Variants in SORCS1 observed in about 807,000 individuals in gnomAD.
SORCS1 encodes the protein sortilin related VPS10 domain containing receptor 1, also known as VPS10 domain-containing receptor SorCS1.
In SORCS1, 60 loss-of-function variants were observed where a neutral mutation model predicts 146.1. The observed-to-expected ratio is 0.41, with a 90% CI of 0.33 to 0.51. The LOEUF is 0.51. SORCS1 is among the 20% of genes least tolerant of loss of function. The pLI is 0.21. For missense variants in SORCS1, 1,352 were observed against 1,487.6 expected, an observed-to-expected ratio of 0.91 and a Z score of 1.50; for synonymous variants, 637 against 584.0, an observed-to-expected ratio of 1.09 and a Z score of -1.31.
intron 2 of SORCS1, among the ~76,000 whole-genome samples, chr10:106,903,941 T>C (rs906012718): frequency 6.6e-6 from 1 of 152,216 alleles, no homozygotes; most frequent in Admixed American, 6.5e-5. Context: ...TTCCTTATAA[T>C]GACTTAGAAA....
chr10:106,947,570 G>A (rs1417749271), intron 2 of SORCS1, among the ~76,000 whole-genome samples: 4 of 152,218 alleles, frequency 2.6e-5, no homozygotes, highest in African/African-American at 7.2e-5. Context: ...CAGGCTGGGC[G>A]CGGTGGCTCA....
chr10:106,789,608 C>G (rs1437816097), intron 3 of SORCS1, among the ~76,000 whole-genome samples: 1 of 152,196 alleles, frequency 6.6e-6, no homozygotes. Flanking sequence ...ACCACCTCAG[C>G]CTGGACTTCA....
intron 6 of SORCS1, among the ~76,000 whole-genome samples, chr10:106,721,651 ATTG>A (rs1855788614): frequency 1.3e-5 from 2 of 152,236 alleles, no homozygotes; most frequent in Admixed American, 1.3e-4. Flanking sequence ...TAGACTATTT[ATTG>A]TTGCAAATAT....
chr10:106,955,696 G>A (rs543702107), intron 2 of SORCS1, among the ~76,000 whole-genome samples: 1 of 152,352 alleles, frequency 6.6e-6, no homozygotes, highest in South Asian at 2.1e-4. Context: ...GTAAAGGAAT[G>A]TTGCCCTGGG....
At chr10:106,943,072 A>G (rs1327052621) in intron 2 of SORCS1, among the ~76,000 whole-genome samples, 1 of 152,158 alleles carries the variant, frequency 6.6e-6, no homozygotes, top group Non-Finnish European at 1.5e-5. Context: ...GGGCATCACT[A>G]GGACAGACAG....
intron 22 of SORCS1, among the ~76,000 whole-genome samples, chr10:106,611,190 T>C (rs1846962662): frequency 6.6e-6 from 1 of 152,196 alleles, no homozygotes; most frequent in Admixed American, 6.5e-5. Context: ...ACAACCACCT[T>C]GTTATTCTCT....
intron 2 of SORCS1, among the ~76,000 whole-genome samples, chr10:106,944,968 CT>C (rs1442661738): frequency 7.0e-6 from 1 of 143,096 alleles, no homozygotes; most frequent in Non-Finnish European, 1.5e-5. Context: ...TCACTGCAAC[CT>C]CTGGCTCCCG....
chr10:107,069,412 G>A (rs1294759663), intron 1 of SORCS1, among the ~76,000 whole-genome samples: 4 of 150,282 alleles, frequency 2.7e-5, no homozygotes, highest in Non-Finnish European at 5.9e-5. Context: ...TTTCACTCTT[G>A]TTGCCCAGGC....
the SORCS1 span, among the ~76,000 whole-genome samples, chr10:107,173,431 G>A: frequency 8.0e-3 from 1,223 of 152,162 alleles, 7 homozygotes; most frequent in Non-Finnish European, 0.013. Flanking sequence ...GTGAGGGGAT[G>A]GAGATGTTAA....
rs372710198 is a variant in SORCS1, at chr10:106,621,150, T to C, written c.2663-589A>G. 1.1e-4 allele frequency among the ~76,000 whole-genome samples: 16 copies of C among 152,310 alleles called. No homozygotes were observed. The South Asian group carries it at 1.7e-3, about 16-fold the overall frequency. ...GGACAGAGGTGTGTGTGTAAGTAGA[T>C]AGAGAGCTCTGTGGTTCTCAGAAGA... On this transcript the variant is annotated intron_variant, in intron 19 of 25. Transcript: ENST00000263054.
intron 6 of SORCS1, among the ~76,000 whole-genome samples, chr10:106,721,521 A>G (rs1195030230): frequency 1.3e-5 from 2 of 152,238 alleles, no homozygotes; most frequent in Non-Finnish European, 2.9e-5. Context: ...AAATAAATAC[A>G]GATTAAAACA....
At chr10:106,844,800 C>A (rs1470181167) in intron 2 of SORCS1, among the ~76,000 whole-genome samples, 1 of 136,542 alleles carries the variant, frequency 7.3e-6, no homozygotes, top group East Asian at 2.2e-4. Context: ...TCTCATTGTT[C>A]AATTCCCACC....
In SORCS1 at chr10:106,577,435, T is replaced by C; in HGVS notation, c.3492A>G (p.Ala1164=). 1 of 1,597,274 alleles carries C rather than the reference T, an allele frequency of 6.3e-7. No individual in the cohort carries two copies. Among genetic ancestry groups the C allele is most frequent in the Non-Finnish European group, 8.5e-7 (1 of 1,169,962 alleles). The change falls in exon 26 of 26, where the codon GCA becomes GCG. Residue 1164 remains alanine (A), a synonymous_variant. Coordinates refer to ENST00000263054, the MANE Select transcript of SORCS1 (RefSeq NM_052918.5). ...PSTPKRGSAG[A]QYAI ...GGGGTTTTCCTTAAATTGCATACTG[T>C]GCCCCAGCAGATCCCCGCTTTGGCG...
intron 5 of SORCS1, among the ~76,000 whole-genome samples, chr10:106,742,028 C>G (rs182232061): frequency 1.3e-5 from 2 of 152,130 alleles, no homozygotes; most frequent in Admixed American, 1.3e-4. Context: ...CAAAAATACA[C>G]TAAGAGGCTA....
At chr10:106,958,348 C>A (rs1955064137) in intron 1 of SORCS1, among the ~76,000 whole-genome samples, 1 of 152,178 alleles carries the variant, frequency 6.6e-6, no homozygotes, top group African/African-American at 2.4e-5. Context: ...CTCTGAAGGC[C>A]AAGGGATCAG....
chr10:106,993,776 AT>A (rs1956871175), intron 1 of SORCS1, among the ~76,000 whole-genome samples: 1 of 152,142 alleles, frequency 6.6e-6, no homozygotes, highest in African/African-American at 2.4e-5. Flanking sequence ...ATTTTCATAT[AT>A]AGAAGGGAAA....
At chr10:107,050,152 A>C (rs1047434707) in intron 1 of SORCS1, among the ~76,000 whole-genome samples, 1 of 152,198 alleles carries the variant, frequency 6.6e-6, no homozygotes, top group African/African-American at 2.4e-5. Flanking sequence ...CAGTCAAAAC[A>C]GATATATTTG....
intron 22 of SORCS1, among the ~76,000 whole-genome samples, chr10:106,607,581 G>T (rs1846693837): frequency 6.6e-6 from 1 of 152,144 alleles, no homozygotes; most frequent in Non-Finnish European, 1.5e-5. Context: ...ATAGAAGACA[G>T]GACAGTTGCA....
upstream of SORCS1, among the ~76,000 whole-genome samples, chr10:107,167,249 T>A (rs187074383): frequency 6.6e-6 from 1 of 152,334 alleles, no homozygotes; most frequent in Admixed American, 6.5e-5. Context: ...ACCAGTAATT[T>A]CCTAAATTAT....
Sources: gnomAD v4.1 joint callset for allele counts (sites outside exome capture counted in the v4.1 genomes callset) on GRCh38, gnomAD v4.1.1 for gene constraint, MANE v1.5 for transcripts, NCBI Gene and HGNC (gene_info 2026-07-23, HGNC 2026-07-21) for gene names.